The following KHDRBS2 variants were observed in gnomAD, a reference collection of about 807,000 sequenced individuals.
The protein encoded by KHDRBS2 is KH RNA binding domain containing, signal transduction associated 2.
KHDRBS2 carries 26 observed loss-of-function variants against 44.3 expected under a neutral mutation model. The observed-to-expected ratio is 0.59, with a 90% CI of 0.43 to 0.81. KHDRBS2 has a LOEUF of 0.81. Among genes scored for constraint, KHDRBS2 ranks in the 40% least tolerant of loss-of-function variants. KHDRBS2 has a pLI of 0.00. For missense variants in KHDRBS2, 476 were observed against 433.1 expected (o/e 1.10, Z -0.88); for synonymous variants, 194 against 151.1 (o/e 1.28, Z -2.08).
intron 3 of KHDRBS2, among the ~76,000 whole-genome samples, chr6:61,984,157 C>T (rs1308112781): frequency 6.6e-6 from 1 of 152,150 alleles, no homozygotes; most frequent in Admixed American, 6.6e-5. Flanking sequence ...ATGACTACAG[C>T]CATACCACTT....
At chr6:61,605,170 G>A in the KHDRBS2 span, among the ~76,000 whole-genome samples, 3 of 152,106 alleles carry the variant, frequency 2.0e-5, no homozygotes, top group African/African-American at 7.2e-5. Flanking sequence ...GTTCCTGTAT[G>A]GATGCTCCTT....
At chr6:62,166,765 T>A (rs1270235740) in intron 2 of KHDRBS2, among the ~76,000 whole-genome samples, 1 of 152,030 alleles carries the variant, frequency 6.6e-6, no homozygotes, top group African/African-American at 2.4e-5. Flanking sequence ...CTCTTGATTA[T>A]AATGGTGATA....
At chr6:62,036,999 C>T (rs1584291559) in intron 3 of KHDRBS2, among the ~76,000 whole-genome samples, 1 of 151,830 alleles carries the variant, frequency 6.6e-6, no homozygotes, top group East Asian at 1.9e-4. Flanking sequence ...AAATGTTGCC[C>T]AAGTTTAATT....
At chr6:61,649,597 G>A in the KHDRBS2 span, among the ~76,000 whole-genome samples, 6 of 152,236 alleles carry the variant, frequency 3.9e-5, no homozygotes, top group Admixed American at 3.3e-4. Context: ...AATGAAGATA[G>A]AACTGGTACT....
intron 6 of KHDRBS2, among the ~76,000 whole-genome samples, chr6:61,861,289 T>C (rs1294807919): frequency 6.6e-6 from 1 of 152,008 alleles, no homozygotes; most frequent in Admixed American, 6.6e-5. Flanking sequence ...AATCTTTGCC[T>C]GTGCCTGTGT....
intron 6 of KHDRBS2, among the ~76,000 whole-genome samples, chr6:61,879,263 G>A (rs1470559797): frequency 6.6e-6 from 1 of 151,890 alleles, no homozygotes; most frequent in Non-Finnish European, 1.5e-5. Context: ...ACTTTATGAA[G>A]TAAGTCAAGA....
chr6:61,848,153 G>T (rs1794681177), intron 6 of KHDRBS2, among the ~76,000 whole-genome samples: 1 of 151,804 alleles, frequency 6.6e-6, no homozygotes, highest in Non-Finnish European at 1.5e-5. Context: ...GGTACTTGGG[G>T]TACAAGTCAA....
intron 6 of KHDRBS2, among the ~76,000 whole-genome samples, chr6:61,861,369 C>A (rs1372828318): frequency 2.0e-5 from 3 of 152,010 alleles, no homozygotes; most frequent in Non-Finnish European, 2.9e-5. Flanking sequence ...AGTCCTTAAT[C>A]CACCTTGAGA....
intron 1 of KHDRBS2, among the ~76,000 whole-genome samples, chr6:62,178,502 T>C (rs1351943885): frequency 6.6e-6 from 1 of 151,446 alleles, no homozygotes; most frequent in Admixed American, 6.6e-5. Flanking sequence ...TTTTTAAAGA[T>C]AACATAGTAT....
At chr6:61,968,906 G>C (rs1285352914) in intron 4 of KHDRBS2, among the ~76,000 whole-genome samples, 1 of 151,848 alleles carries the variant, frequency 6.6e-6, no homozygotes, top group Non-Finnish European at 1.5e-5. Context: ...GGAGCTCTGT[G>C]GCTTCTGAGA....
At chr6:61,916,965 A>AT (rs10700035) in intron 4 of KHDRBS2, among the ~76,000 whole-genome samples, 53,056 of 90,606 alleles carry the variant, frequency 0.59, 15,881 homozygotes, top group Non-Finnish European at 0.63. Context: ...GGAACTCTGT[A>AT]TTTTTTTTTT....
intron 2 of KHDRBS2, among the ~76,000 whole-genome samples, chr6:62,099,522 T>C (rs1801388384): frequency 6.6e-6 from 1 of 152,184 alleles, no homozygotes; most frequent in African/African-American, 2.4e-5. Flanking sequence ...TGTGAGTTTC[T>C]ACCTGTTGCT....
intron 3 of KHDRBS2, among the ~76,000 whole-genome samples, chr6:62,041,389 A>AAAGCTTAT (rs1262863918): frequency 6.6e-6 from 1 of 152,138 alleles, no homozygotes; most frequent in Non-Finnish European, 1.5e-5. Flanking sequence ...CTAAAATAAT[A>AAAGCTTAT]GACCATCCTC....
the KHDRBS2 span, among the ~76,000 whole-genome samples, chr6:61,569,345 G>A: frequency 2.0e-5 from 3 of 152,056 alleles, no homozygotes; most frequent in Non-Finnish European, 2.9e-5. Context: ...TCTCTTAGGG[G>A]CTTTATGGCC....
At chr6:62,119,901 C>T (rs1364992024) in intron 2 of KHDRBS2, among the ~76,000 whole-genome samples, 1 of 152,216 alleles carries the variant, frequency 6.6e-6, no homozygotes, top group African/African-American at 2.4e-5. Context: ...AACCAAAGTC[C>T]TGGCAGGCCT....
chr6:62,085,206 C>A (rs1798167276), intron 2 of KHDRBS2, among the ~76,000 whole-genome samples: 3 of 152,014 alleles, frequency 2.0e-5, no homozygotes, highest in South Asian at 4.2e-4. Flanking sequence ...ATTTGAGACA[C>A]AAAACATGGT....
chr6:61,860,385 C>T (rs906979544), intron 6 of KHDRBS2, among the ~76,000 whole-genome samples: 5 of 151,896 alleles, frequency 3.3e-5, no homozygotes, highest in Admixed American at 1.3e-4. Flanking sequence ...CTCTGCCCCC[C>T]GATAGCCTCC....
chr6:61,684,644 T>G (rs1196946100), intron 8 of KHDRBS2, among the ~76,000 whole-genome samples: 1 of 151,778 alleles, frequency 6.6e-6, no homozygotes, highest in African/African-American at 2.4e-5. Context: ...ATAAGTAAGA[T>G]TCTCTCAATA....
the KHDRBS2 span, among the ~76,000 whole-genome samples, chr6:61,565,102 A>G: frequency 2.6e-5 from 4 of 152,114 alleles, no homozygotes; most frequent in Non-Finnish European, 5.9e-5. Context: ...TGCTAGGAAA[A>G]CTGGATATCC....
Sources: gnomAD v4.1 joint callset for allele counts (sites outside exome capture counted in the v4.1 genomes callset) on GRCh38, gnomAD v4.1.1 for gene constraint, MANE v1.5 for transcripts, NCBI Gene and HGNC (gene_info 2026-07-23, HGNC 2026-07-21) for gene names.